Variants in GATA4 observed in about 807,000 individuals in gnomAD.
GATA4 encodes GATA binding protein 4.
In GATA4, 7 loss-of-function variants were observed where a neutral mutation model predicts 37.9. The observed-to-expected ratio is 0.18, with a 90% CI of 0.11 to 0.35. The LOEUF (loss-of-function observed/expected upper bound fraction) is 0.35. GATA4 is among the 10% of genes least tolerant of loss of function. The pLI, the probability that GATA4 is intolerant of heterozygous loss-of-function variation, is 1.00. For synonymous variants in GATA4, 372 were observed against 292.6 expected, an observed-to-expected ratio of 1.27 and a Z score of -2.77; for missense variants, 647 against 653.0, an observed-to-expected ratio of 0.99 and a Z score of 0.10.
At chr8:11,725,365 C>G (rs1384504185) in intron 2 of GATA4, among the ~76,000 whole-genome samples, 1 of 152,244 alleles carries the variant, frequency 6.6e-6, no homozygotes, top group African/African-American at 2.4e-5. Flanking sequence ...GTCTCACCCC[C>G]AGTCCTGTTG....
chr8:11,753,109 T>C (rs1434424394), intron 4 of GATA4, among the ~76,000 whole-genome samples: 1 of 152,238 alleles, frequency 6.6e-6, no homozygotes, highest in Non-Finnish European at 1.5e-5. Flanking sequence ...TGTACACTGC[T>C]GTTTATAGCA....
chr8:11,692,595 G>A, upstream of GATA4: 1 of 985,374 alleles, frequency 1.0e-6, no homozygotes, highest in Non-Finnish European at 1.2e-6. Flanking sequence ...CGTGGCCCCC[G>A]CGCTGGGGCG....
chr8:11,718,135 A>C (rs1800517042), intron 2 of GATA4, among the ~76,000 whole-genome samples: 1 of 152,256 alleles, frequency 6.6e-6, no homozygotes. Flanking sequence ...ATTTTAGTAA[A>C]GATAAGAATG....
intron 1 of GATA4, among the ~76,000 whole-genome samples, chr8:11,683,784 G>C (rs917452001): frequency 2.0e-5 from 3 of 152,172 alleles, no homozygotes; most frequent in Non-Finnish European, 4.4e-5. Context: ...AGGTTATCTA[G>C]CCAGCCTTCC....
chr8:11,757,649 C>T (rs919083650), intron 6 of GATA4, among the ~76,000 whole-genome samples: 15 of 152,330 alleles, frequency 9.8e-5, no homozygotes, highest in South Asian at 2.1e-4. Context: ...GGGGAGGTCA[C>T]AGGCAGGATG....
At chr8:11,686,871 G>A (rs182617142) in intron 1 of GATA4, among the ~76,000 whole-genome samples, 55 of 152,102 alleles carry the variant, frequency 3.6e-4, no homozygotes, top group African/African-American at 1.2e-3. Context: ...GGTGGGGCGC[G>A]CCTGTAATCC....
chr8:11,705,728 C>T (rs1190604104), intron 1 of GATA4, among the ~76,000 whole-genome samples: 2 of 152,156 alleles, frequency 1.3e-5, no homozygotes, highest in East Asian at 3.8e-4. Context: ...TTTTCTCCAC[C>T]TTCTGTTGTT....
Position 11,708,750 on chromosome 8 carries a change from C to A in GATA4, c.438C>A (p.Arg146=). The A allele has an allele frequency of 7.4e-7, 1 of 1,351,776 alleles. No individual in the cohort carries two copies. Among genetic ancestry groups the A allele is most frequent in the Non-Finnish European group, 9.5e-7 (1 of 1,058,130 alleles). The allele number at this position is 1,351,776 out of a possible 1,614,324, so 83.7% of individuals were successfully genotyped here. Reference sequence around the variant, plus strand: ...CGGCGGGTGCGGGCCTGGCGGGCCGCGAGCAGTACGGGCGCGCCGGCTTCG... The same window carrying A: ...CGGCGGGTGCGGGCCTGGCGGGCCGAGAGCAGTACGGGCGCGCCGGCTTCG... ...GGAAGAGLAG[R]EQYGRAGFAG... Residue 146 remains arginine, a synonymous_variant, in exon 2 of 7, where the codon CGC becomes CGA. Transcript: ENST00000532059. The surrounding 1 kb of genome is among the most constrained non-coding windows in gnomAD (Gnocchi z 6.7).
At chr8:11,711,430 A>G (rs537035697) in intron 2 of GATA4, among the ~76,000 whole-genome samples, 39 of 152,326 alleles carry the variant, frequency 2.6e-4, no homozygotes, top group African/African-American at 8.2e-4. Flanking sequence ...GTTGGCATTC[A>G]TAGCTTCAGC....
chr8:11,720,285 T>A (rs1800613144), intron 2 of GATA4, among the ~76,000 whole-genome samples: 1 of 152,038 alleles, frequency 6.6e-6, no homozygotes, highest in African/African-American at 2.4e-5. Context: ...GCTGACTTTG[T>A]CTTTCCCGGT....
At chr8:11,710,435 TG>T (rs1243864404) in intron 2 of GATA4, among the ~76,000 whole-genome samples, 2 of 150,810 alleles carry the variant, frequency 1.3e-5, no homozygotes, top group Admixed American at 6.6e-5. Context: ...CAGGGCCCTC[TG>T]GGGCCTCTGA....
Position 11,708,978 on chromosome 8 carries a change from G to T in GATA4, c.616+50G>T, listed in dbSNP as rs1800039151. 6.7e-7 allele frequency: 1 copy of T among 1,495,506 alleles called. No homozygotes were observed. Among genetic ancestry groups the T allele is most frequent in the Non-Finnish European group, 8.9e-7 (1 of 1,127,938 alleles). 92.6% of individuals were successfully genotyped at this position (1,495,506 alleles called of 1,614,324 possible). On this transcript the variant is annotated intron_variant, in intron 2 of 6. Coordinates refer to ENST00000532059, the MANE Select transcript of GATA4 (RefSeq NM_001308093.3). The surrounding 1 kb of genome is among the most constrained non-coding windows in gnomAD (Gnocchi z 6.7). ...GCGCGTGAGGGCCGGGGCAGGGGCCGTCTTGAGCCCTGTCGAGGGCCTCTT... is the reference window on the plus strand; with the variant it reads ...GCGCGTGAGGGCCGGGGCAGGGGCCTTCTTGAGCCCTGTCGAGGGCCTCTT...
intron 2 of GATA4, among the ~76,000 whole-genome samples, chr8:11,724,517 C>G (rs1310888818): frequency 6.6e-6 from 1 of 152,220 alleles, no homozygotes; most frequent in African/African-American, 2.4e-5. Flanking sequence ...ACATCCTCAT[C>G]TCTGAGTAAC....
intron 5 of GATA4, 189 bp from the exon 6 acceptor site, chr8:11,756,746 A>G: frequency 1.4e-6 from 1 of 708,714 alleles, no homozygotes; most frequent in Non-Finnish European, 2.5e-6. Flanking sequence ...CAAGGGTTTG[A>G]GATGAGATAG....
At chr8:11,751,016 A>C (rs572696837) in intron 4 of GATA4, among the ~76,000 whole-genome samples, 1 of 152,276 alleles carries the variant, frequency 6.6e-6, no homozygotes, top group East Asian at 1.9e-4. Flanking sequence ...CTGGAAGAAA[A>C]TGTAAGGGAA....
upstream of GATA4, among the ~76,000 whole-genome samples, chr8:11,701,526 TC>T (rs544946422): frequency 1.1e-4 from 17 of 152,130 alleles, 2 homozygotes; most frequent in South Asian, 3.5e-3. Flanking sequence ...CTTGAAATGC[TC>T]CCCGCTCCTG....
intron 4 of GATA4, 113 bp downstream of exon 4, chr8:11,750,349 C>G (rs1453128840): frequency 6.9e-7 from 1 of 1,455,088 alleles, no homozygotes; most frequent in African/African-American, 1.4e-5. Context: ...AACAAAGAGA[C>G]TTAGATTTGG....
intron 1 of GATA4, among the ~76,000 whole-genome samples, chr8:11,683,648 C>A (rs1339426941): frequency 6.6e-6 from 1 of 152,132 alleles, no homozygotes; most frequent in African/African-American, 2.4e-5. Context: ...AATTATTTGC[C>A]CAAGATGAGG....
At chr8:11,718,740 G>A (rs1001375033) in intron 2 of GATA4, among the ~76,000 whole-genome samples, 3 of 152,158 alleles carry the variant, frequency 2.0e-5, no homozygotes, top group African/African-American at 7.2e-5. Flanking sequence ...CTACTCCCCA[G>A]TTGAAATCTC....
Sources: allele counts gnomAD v4.1 joint callset (sites outside exome capture counted in the v4.1 genomes callset), GRCh38; gene constraint gnomAD v4.1.1; non-coding constraint Gnocchi (gnomAD v3.1); transcripts MANE v1.5; gene names NCBI Gene and HGNC (gene_info 2026-07-23, HGNC 2026-07-21).